Variants in CACTIN observed in about 807,000 individuals in gnomAD.
CACTIN encodes the protein splicing factor Cactin.
A neutral mutation model predicts 84.9 loss-of-function variants in CACTIN; 20 were observed. The ratio of observed to expected loss-of-function variants is 0.24; its 90% CI spans 0.17 to 0.34. CACTIN has a LOEUF of 0.34. Ranked by LOEUF, CACTIN falls within the 10% of genes least tolerant of loss-of-function variation. CACTIN has a pLI of 1.00. For synonymous variants in CACTIN, 549 were observed against 467.9 expected (o/e 1.17, Z -2.24); for missense variants, 897 against 1,117.2 (o/e 0.80, Z 2.81).
chr19:3,613,755 T>C (rs1336446734), intron 7 of CACTIN, 169 bp from the exon 8 acceptor site: 9 of 920,312 alleles, frequency 9.8e-6, no homozygotes, highest in Non-Finnish European at 1.4e-5. Flanking sequence ...GGTCAAGGCT[T>C]ATGGGAGAGA....
In CACTIN at chr19:3,626,582, C is replaced by T. The variant is rs1253602503; in HGVS notation, c.167+14G>A. 1 of 1,431,726 alleles carries T rather than the reference C, an allele frequency of 7.0e-7. No individual in the cohort carries two copies. Among genetic ancestry groups the T allele is most frequent in the Admixed American group, 2.6e-5 (1 of 38,630 alleles). 88.7% of individuals were successfully genotyped at this position (1,431,726 alleles called of 1,614,324 possible). A position where few individuals can be genotyped will look rare whatever the true frequency, so the allele number is the denominator to read the frequency against. On this transcript the variant is annotated intron_variant, in intron 1 of 9. Coordinates refer to ENST00000429344, the MANE Select transcript of CACTIN (RefSeq NM_001080543.2). ...GGAGCCGGATCCCCAGCGCTGCTCC[C>T]GCAGCGACCCCACCTGCGCTCCCGG...
rs61553804 is a variant in CACTIN, at chr19:3,619,352, G to A, written c.885-110C>T. 1.8e-3 allele frequency: 2,305 copies of A among 1,308,168 alleles called. 40 individuals carry two copies. In the African/African-American group the frequency reaches 0.031, roughly 18 times the overall value. 81.0% of individuals were successfully genotyped at this position (1,308,168 alleles called of 1,614,324 possible). ...TGGGAGCCGAGGAGGGGCCTGACCC[G>A]TTGGGGGTGGTCAGGGAAGGCTTCC... On this transcript the variant is annotated intron_variant, in intron 4 of 9. Coordinates refer to ENST00000429344, the MANE Select transcript of CACTIN (RefSeq NM_001080543.2).
At chr19:3,620,865 C>A in intron 2 of CACTIN, 63 bp from the exon 3 acceptor site, 1 of 1,337,798 alleles carries the variant, frequency 7.5e-7, no homozygotes, top group Non-Finnish European at 1.1e-6. Flanking sequence ...CTCCTCAGCT[C>A]CTTCGTCCAA....
chr19:3,618,819 G>A, intron 6 of CACTIN, 56 bp downstream of exon 6: 1 of 1,361,144 alleles, frequency 7.3e-7, no homozygotes, highest in Non-Finnish European at 1.0e-6. Flanking sequence ...AGGCTTCTGG[G>A]TGAACACTGT....
chr19:3,614,218 G>A (rs1022219338), intron 7 of CACTIN, among the ~76,000 whole-genome samples, 179 bp downstream of exon 7: 5 of 141,732 alleles, frequency 3.5e-5, no homozygotes, highest in African/African-American at 1.5e-4. Context: ...GGGACTACGC[G>A]CCCCCCGGCC....
intron 7 of CACTIN, chr19:3,613,825 G>A: frequency 1.8e-6 from 1 of 567,392 alleles, no homozygotes; most frequent in South Asian, 2.3e-5. Flanking sequence ...GTGGGTCTCT[G>A]TCTCACGCTG....
At chr19:3,619,334 C>G in intron 4 of CACTIN, 92 bp from the exon 5 acceptor site, 12 of 1,453,130 alleles carry the variant, frequency 8.3e-6, no homozygotes, top group Non-Finnish European at 1.1e-5. Context: ...CAGTGGGAGC[C>G]GAGGAGGGGC....
At position 3,611,332 on chromosome 19, in the gene CACTIN, C is replaced by T. The variant is rs913649703; in HGVS notation, c.*591G>A. The T allele has an allele frequency of 6.6e-6, 3 of 454,082 alleles. No homozygotes were observed. The highest frequency in any genetic ancestry group is 2.4e-5 in the Admixed American group (1 of 42,076). 28.1% of individuals were successfully genotyped at this position (454,082 alleles called of 1,614,324 possible). A position where few individuals can be genotyped will look rare whatever the true frequency, so the allele number is the denominator to read the frequency against. On this transcript the variant is annotated 3_prime_UTR_variant, in exon 10 of 10. Coordinates refer to ENST00000429344, the MANE Select transcript of CACTIN (RefSeq NM_001080543.2). ...GAGGGTCTCTTCTGCAGTGGCGGAT[C>T]GGGCGCCAGCAGGGTCCCGGCCTCA...
At chr19:3,613,782 G>A (rs1396931783) in intron 7 of CACTIN, 196 bp from the exon 8 acceptor site, 2 of 688,210 alleles carry the variant, frequency 2.9e-6, no homozygotes, top group African/African-American at 1.8e-5. Flanking sequence ...GAGGACGCAG[G>A]TACCCTGGTG....
intron 6 of CACTIN, 79 bp from the exon 7 acceptor site, chr19:3,614,668 GC>G: frequency 8.7e-7 from 1 of 1,152,602 alleles, no homozygotes; most frequent in Non-Finnish European, 1.3e-6. Context: ...CTCCTCCCCT[GC>G]CATGGGGGGG....
chr19:3,626,560 G>A (rs1396746704), intron 1 of CACTIN, 36 bp downstream of exon 1: 1 of 1,372,966 alleles, frequency 7.3e-7, no homozygotes, highest in Non-Finnish European at 9.4e-7. Flanking sequence ...TGAGGTAGGA[G>A]CCGGATCCCC....
chr19:3,624,279 T>TGA, intron 1 of CACTIN, 117 bp from the exon 2 acceptor site: 1 of 939,640 alleles, frequency 1.1e-6, no homozygotes, highest in Non-Finnish European at 1.6e-6. Context: ...GACACAGCAG[T>TGA]GACCCAAATA....
chr19:3,614,100 G>A (rs950770986), intron 7 of CACTIN, among the ~76,000 whole-genome samples: 2 of 152,196 alleles, frequency 1.3e-5, no homozygotes, highest in Non-Finnish European at 2.9e-5. Context: ...GCTGGAGCGC[G>A]CCAGGTACTC....
intron 6 of CACTIN, among the ~76,000 whole-genome samples, chr19:3,618,452 C>T (rs1880218089): frequency 6.6e-6 from 1 of 152,252 alleles, no homozygotes; most frequent in Admixed American, 6.5e-5. Context: ...TTTAAAAGCC[C>T]ATCAGGTTGG....
Position 3,613,099 on chromosome 19 carries a change from A to G in CACTIN, c.1745T>C (p.Leu582Pro). 1 of 1,593,182 alleles carries G rather than the reference A, an allele frequency of 6.3e-7. No individual in the cohort carries two copies. Among genetic ancestry groups the G allele is most frequent in the Non-Finnish European group, 8.5e-7 (1 of 1,174,014 alleles). The change falls in exon 9 of 10, where the codon CTG (leucine) becomes CCG (proline). Residue 582 changes from leucine (L) to proline (P), a missense_variant. Coordinates refer to ENST00000429344, the MANE Select transcript of CACTIN (RefSeq NM_001080543.2). ...CTGGCGCGAGAGCTGCAGGCGCTGC[A>G]GGTCCTCATCCGGTTCCAGCACGTG... ...DAHVLEPDED[L>P]QRLQLSRQQL...
At chr19:3,621,850 C>T (rs922676367) in intron 2 of CACTIN, among the ~76,000 whole-genome samples, 7 of 152,224 alleles carry the variant, frequency 4.6e-5, no homozygotes, top group Admixed American at 3.3e-4. Flanking sequence ...GTGAGGGCCC[C>T]GAGGCGGAAG....
At chr19:3,613,614 A>G in intron 7 of CACTIN, 28 bp from the exon 8 acceptor site, 2 of 1,586,464 alleles carry the variant, frequency 1.3e-6, no homozygotes, top group Non-Finnish European at 1.7e-6. Context: ...GGTCACCCGC[A>G]TGGAGGCGAA....
At chr19:3,612,530 G>A (rs2032987124) in intron 9 of CACTIN, 117 bp from the exon 10 acceptor site, 1 of 1,391,842 alleles carries the variant, frequency 7.2e-7, no homozygotes. Flanking sequence ...AACAGGCTGG[G>A]GCGAGCTAAG....
At chr19:3,625,433 A>T (rs1339170759) in intron 1 of CACTIN, among the ~76,000 whole-genome samples, 1 of 152,240 alleles carries the variant, frequency 6.6e-6, no homozygotes, top group African/African-American at 2.4e-5. Flanking sequence ...CAAAGATGAC[A>T]TTAACAAGAC....
Sources: allele counts gnomAD v4.1 joint callset (sites outside exome capture counted in the v4.1 genomes callset), GRCh38; gene constraint gnomAD v4.1.1; transcripts MANE v1.5; gene names NCBI Gene and HGNC (gene_info 2026-07-23, HGNC 2026-07-21).